NDRG3: variants seen among roughly 807,000 people sequenced by gnomAD.
The protein encoded by NDRG3 is protein NDRG3.
NDRG3 carries 23 observed loss-of-function variants against 57.2 expected under a neutral mutation model. The ratio of observed to expected loss-of-function variants is 0.40; its 90% CI spans 0.29 to 0.57. The LOEUF (loss-of-function observed/expected upper bound fraction) is 0.57, where lower values mean the gene tolerates loss of function less well. Ranked by LOEUF, NDRG3 falls within the 20% of genes least tolerant of loss-of-function variation. The pLI, the probability that NDRG3 is intolerant of heterozygous loss-of-function variation, is 0.42. For missense variants in NDRG3, 384 were observed against 457.3 expected, an observed-to-expected ratio of 0.84 and a Z score of 1.46; for synonymous variants, 132 against 162.6, an observed-to-expected ratio of 0.81 and a Z score of 1.43.
At chr20:36,698,843 T>G (rs966881668) in intron 3 of NDRG3, among the ~76,000 whole-genome samples, 5 of 152,106 alleles carry the variant, frequency 3.3e-5, no homozygotes, top group South Asian at 2.1e-4. Flanking sequence ...AAGAGCAAGA[T>G]GCAAAAGGAT....
chr20:36,675,342 G>C (rs373016870), intron 8 of NDRG3, among the ~76,000 whole-genome samples: 1 of 137,768 alleles, frequency 7.3e-6, no homozygotes, highest in Non-Finnish European at 1.5e-5. Context: ...TTACAGGCAT[G>C]AGCCACCTCA....
At chr20:36,695,019 TAGA>T (rs1286675424) in intron 3 of NDRG3, among the ~76,000 whole-genome samples, 2 of 152,204 alleles carry the variant, frequency 1.3e-5, no homozygotes, top group African/African-American at 4.8e-5. Context: ...GAAGCCGTGA[TAGA>T]AGAACATAAA....
At chr20:36,734,463 G>A (rs1985506659) in intron 1 of NDRG3, among the ~76,000 whole-genome samples, 1 of 152,160 alleles carries the variant, frequency 6.6e-6, no homozygotes, top group African/African-American at 2.4e-5. Context: ...TTAGGCCACA[G>A]GCTCTAGGAT....
intron 12 of NDRG3, among the ~76,000 whole-genome samples, chr20:36,663,232 C>G (rs531479621): frequency 2.2e-4 from 33 of 152,224 alleles, no homozygotes; most frequent in African/African-American, 7.5e-4. Context: ...ACAACAGACA[C>G]GTAGTGTTTT....
At chr20:36,665,398 C>A (rs777963823) in intron 10 of NDRG3, 97 bp from the exon 11 acceptor site, 2 of 1,085,972 alleles carry the variant, frequency 1.8e-6, no homozygotes, top group Non-Finnish European at 2.8e-6. Flanking sequence ...TCAAGGAATG[C>A]GAAACTATCT....
intron 12 of NDRG3, among the ~76,000 whole-genome samples, chr20:36,661,981 G>A (rs1600856122): frequency 6.6e-6 from 1 of 152,126 alleles, no homozygotes; most frequent in Non-Finnish European, 1.5e-5. Flanking sequence ...ACAAACAAAT[G>A]TACCCGTTCA....
chr20:36,734,666 T>C (rs138024747), intron 1 of NDRG3, among the ~76,000 whole-genome samples: 20 of 152,226 alleles, frequency 1.3e-4, no homozygotes, highest in African/African-American at 4.1e-4. Flanking sequence ...ACTGACATTT[T>C]AGGCCAGATG....
intron 2 of NDRG3, among the ~76,000 whole-genome samples, chr20:36,720,431 C>T (rs1412556419): frequency 6.6e-6 from 1 of 152,060 alleles, no homozygotes; most frequent in Non-Finnish European, 1.5e-5. Flanking sequence ...CCTTGGCCTC[C>T]CAAAGTGCTG....
chr20:36,723,219 A>G (rs973118433), intron 1 of NDRG3, among the ~76,000 whole-genome samples: 2 of 152,220 alleles, frequency 1.3e-5, no homozygotes, highest in Non-Finnish European at 2.9e-5. Flanking sequence ...AGCAATAGAG[A>G]ACTAATACAT....
intron 1 of NDRG3, among the ~76,000 whole-genome samples, chr20:36,740,519 G>A (rs995436751): frequency 3.3e-5 from 5 of 152,084 alleles, no homozygotes; most frequent in African/African-American, 1.2e-4. Flanking sequence ...GCTAATTTTT[G>A]CATTTTTAGT....
In NDRG3 at chr20:36,685,127, G is replaced by A. The variant is rs372904440; in HGVS notation, c.321-652C>T. ...TGGAGTCCAGGCTCAGTAAACCTCCGGCAGTAAGAGTCAACTCAGAAAGGG... is the reference window on the plus strand; with the variant it reads ...TGGAGTCCAGGCTCAGTAAACCTCCAGCAGTAAGAGTCAACTCAGAAAGGG... On this transcript the variant is annotated intron_variant, in intron 5 of 15. Coordinates refer to ENST00000349004, the MANE Select transcript of NDRG3 (RefSeq NM_032013.4). Among the ~76,000 whole-genome samples the A allele has an allele frequency of 1.1e-4, 17 of 152,038 alleles. No individual in the cohort carries two copies. In the East Asian group the frequency reaches 2.9e-3, roughly 26 times the overall value.
chr20:36,718,881 T>C (rs945238236), intron 2 of NDRG3, among the ~76,000 whole-genome samples: 1 of 151,752 alleles, frequency 6.6e-6, no homozygotes, highest in African/African-American at 2.4e-5. Context: ...GGATCTCCCT[T>C]TGTTGCCCAG....
At chr20:36,720,778 T>C (rs983330429) in intron 2 of NDRG3, among the ~76,000 whole-genome samples, 17 of 151,366 alleles carry the variant, frequency 1.1e-4, no homozygotes, top group Non-Finnish European at 2.4e-4. Context: ...CTTTTCTTTT[T>C]TTTTTTTTTT....
intron 2 of NDRG3, among the ~76,000 whole-genome samples, chr20:36,712,585 ATATTTTTTTTTTT>A (rs1351862267): frequency 4.7e-4 from 4 of 8,488 alleles, no homozygotes; most frequent in Non-Finnish European, 9.6e-4. Context: ...ATATATATAT[ATATTTTTTTTTTT>A]TTTTTTTTTT....
At chr20:36,700,682 GT>G (rs920018453) in intron 3 of NDRG3, 1 of 319,848 alleles carries the variant, frequency 3.1e-6, no homozygotes, top group African/African-American at 2.2e-5. Context: ...CAATGAGCCT[GT>G]GCTCAAAGAG....
intron 3 of NDRG3, among the ~76,000 whole-genome samples, chr20:36,702,144 CT>C (rs958255990): frequency 2.7e-5 from 4 of 148,776 alleles, no homozygotes; most frequent in Non-Finnish European, 3.0e-5. Context: ...GAAATGTCAA[CT>C]TTTTTTTTTG....
intron 8 of NDRG3, 96 bp downstream of exon 8, chr20:36,680,720 T>A (rs1981205854): frequency 1.2e-6 from 1 of 858,698 alleles, no homozygotes; most frequent in Admixed American, 2.2e-5. Context: ...ACTTAACATT[T>A]TTACCCTTAA....
Position 36,651,910 on chromosome 20 carries a change from G to C in NDRG3, c.*1610C>G, listed in dbSNP as rs985792667. Reference sequence around the variant, plus strand: ...CCAAGATTTGGAACTGTGTAACCCTGAGCTTACATCTCAATGCTCCCAAGA... The same window carrying C: ...CCAAGATTTGGAACTGTGTAACCCTCAGCTTACATCTCAATGCTCCCAAGA... On this transcript the variant is annotated 3_prime_UTR_variant, in exon 16 of 16. Coordinates refer to ENST00000349004, the MANE Select transcript of NDRG3 (RefSeq NM_032013.4). 2 of 152,200 alleles carry C rather than the reference G, an allele frequency of 1.3e-5. No individual in the cohort carries two copies. The highest frequency in any genetic ancestry group is 4.8e-5 in the African/African-American group (2 of 41,444). 9.4% of individuals were successfully genotyped at this position (152,200 alleles called of 1,614,324 possible).
At chr20:36,717,073 C>A (rs1405803541) in intron 2 of NDRG3, among the ~76,000 whole-genome samples, 1 of 152,180 alleles carries the variant, frequency 6.6e-6, no homozygotes, top group African/African-American at 2.4e-5. Flanking sequence ...TTTTAAAAAT[C>A]ATTTCATATG....
Sources: allele counts gnomAD v4.1 joint callset (sites outside exome capture counted in the v4.1 genomes callset), GRCh38; gene constraint gnomAD v4.1.1; transcripts MANE v1.5; gene names NCBI Gene and HGNC (gene_info 2026-07-23, HGNC 2026-07-21).